The following ELMOD1 variants were observed in gnomAD, a reference collection of about 807,000 sequenced individuals.
The protein encoded by ELMOD1 is ELMO domain containing 1.
Under a neutral mutation model 46.7 loss-of-function variants are expected in ELMOD1, and 21 were observed. The observed-to-expected ratio is 0.45, with a 90% CI of 0.32 to 0.65. The LOEUF is 0.65. ELMOD1 is among the 30% of genes least tolerant of loss of function. The pLI, the probability that ELMOD1 is intolerant of heterozygous loss-of-function variation, is 0.04. For missense variants in ELMOD1, 348 were observed against 407.8 expected (o/e 0.85, Z 1.26); for synonymous variants, 122 against 138.2 (o/e 0.88, Z 0.82).
chr11:107,592,762 G>A, intron 1 of ELMOD1: 1 of 170,954 alleles, frequency 5.8e-6, no homozygotes. Context: ...ATTAACGTAG[G>A]GAACGTTGAG....
chr11:107,617,214 G>C (rs1024608622), intron 1 of ELMOD1, among the ~76,000 whole-genome samples: 2 of 152,156 alleles, frequency 1.3e-5, no homozygotes, highest in Admixed American at 6.5e-5. Flanking sequence ...TGTTAAATAA[G>C]AGACTGGCTT....
At chr11:107,647,771 C>A (rs1252099241) in intron 7 of ELMOD1, among the ~76,000 whole-genome samples, 170 bp downstream of exon 7, 1 of 152,148 alleles carries the variant, frequency 6.6e-6, no homozygotes, top group Non-Finnish European at 1.5e-5. Flanking sequence ...TGTCTGCTAC[C>A]TTCCTTGTAT....
intron 1 of ELMOD1, among the ~76,000 whole-genome samples, chr11:107,612,865 G>A (rs1003816097): frequency 1.3e-5 from 2 of 152,168 alleles, no homozygotes; most frequent in East Asian, 1.9e-4. Context: ...GAGTTAAATA[G>A]CATTTGCACA....
intron 11 of ELMOD1, among the ~76,000 whole-genome samples, chr11:107,662,486 T>A (rs1320752095): frequency 2.8e-5 from 4 of 143,194 alleles, no homozygotes; most frequent in African/African-American, 8.9e-5. Flanking sequence ...GGCGCATGCC[T>A]GTAATCCCAG....
intron 6 of ELMOD1, among the ~76,000 whole-genome samples, chr11:107,640,700 G>A (rs749880226): frequency 6.6e-6 from 1 of 152,050 alleles, no homozygotes; most frequent in Non-Finnish European, 1.5e-5. Context: ...TAAATACTTT[G>A]GTCACAACAT....
At chr11:107,635,581 C>A in intron 5 of ELMOD1, 55 bp from the exon 6 acceptor site, 1 of 1,565,182 alleles carries the variant, frequency 6.4e-7, no homozygotes, top group South Asian at 1.2e-5. Context: ...GAACAAATGC[C>A]AAAGTGAATG....
At chr11:107,631,747 G>T (rs1254108598) in intron 5 of ELMOD1, 70 bp downstream of exon 5, 3 of 765,162 alleles carry the variant, frequency 3.9e-6, no homozygotes, top group Non-Finnish European at 6.0e-6. Context: ...GTGTTTCTCT[G>T]TCTCCTCTCT....
chr11:107,594,755 G>A (rs1309023031), intron 1 of ELMOD1, among the ~76,000 whole-genome samples: 1 of 152,162 alleles, frequency 6.6e-6, no homozygotes, highest in East Asian at 1.9e-4. Context: ...TAGCAAATCT[G>A]TTGCTTCAAG....
chr11:107,661,821 A>G (rs1866744644), intron 11 of ELMOD1, among the ~76,000 whole-genome samples: 1 of 152,214 alleles, frequency 6.6e-6, no homozygotes, highest in South Asian at 2.1e-4. Flanking sequence ...ACCGCAGATC[A>G]TTCTTGGAAT....
chr11:107,664,160 TA>T (rs1452872835), intron 11 of ELMOD1, among the ~76,000 whole-genome samples: 1 of 151,944 alleles, frequency 6.6e-6, no homozygotes, highest in Non-Finnish European at 1.5e-5. Context: ...TTTCTTTTTT[TA>T]AAACTAGGAT....
rs1254613803 is a variant in ELMOD1 at position 107,651,495 on chromosome 11, C to T, written c.647+587C>T. The stretch of plus-strand genomic sequence containing the variant: ...AGGTTGAGTTGGGCTTTTTTTCCCC[C>T]TCCACCTTACTATTTTACTCATTCT... On this transcript the variant is annotated intron_variant, in intron 9 of 11. Transcript: ENST00000265840. Among the ~76,000 whole-genome samples the T allele has an allele frequency of 2.6e-5, 4 of 152,084 alleles. No homozygotes were observed. In the East Asian group the frequency reaches 7.7e-4, roughly 29 times the overall value.
intron 11 of ELMOD1, among the ~76,000 whole-genome samples, chr11:107,658,947 A>G (rs1175435180): frequency 6.6e-6 from 1 of 152,192 alleles, no homozygotes; most frequent in East Asian, 1.9e-4. Flanking sequence ...AAATAAATAA[A>G]TATTGAAAAA....
At chr11:107,610,318 G>T (rs985445776) in intron 1 of ELMOD1, among the ~76,000 whole-genome samples, 2 of 152,060 alleles carry the variant, frequency 1.3e-5, no homozygotes, top group Non-Finnish European at 2.9e-5. Flanking sequence ...GAACAAAAAG[G>T]GTGAATTTTT....
intron 1 of ELMOD1, among the ~76,000 whole-genome samples, chr11:107,603,286 C>T (rs1203245659): frequency 1.3e-5 from 2 of 152,250 alleles, no homozygotes. Context: ...CGCCTGTGAT[C>T]CCAACACTTT....
At chr11:107,623,170 C>G (rs1415009227) in intron 2 of ELMOD1, 1 of 152,156 alleles carries the variant, frequency 6.6e-6, no homozygotes, top group Non-Finnish European at 1.5e-5. Flanking sequence ...GTTCCCCTTC[C>G]TGTGTCCATA....
intron 2 of ELMOD1, among the ~76,000 whole-genome samples, chr11:107,619,294 T>C (rs956157885): frequency 2.4e-4 from 36 of 152,240 alleles, no homozygotes; most frequent in African/African-American, 8.4e-4. Context: ...TTGTACAGAA[T>C]ACTGTTTATC....
chr11:107,647,611 A>C lies in ELMOD1; in HGVS notation c.554+10A>C, dbSNP rs1866454076. The C allele has an allele frequency of 6.2e-7, 1 of 1,610,680 alleles. No homozygotes were observed. The highest frequency in any genetic ancestry group is 1.7e-5 in the Admixed American group (1 of 59,436). On this transcript the variant is annotated intron_variant, in intron 7 of 11. Transcript: ENST00000265840. ...GACTGTACAATTTGCAGTAAGTAAA[A>C]TGAAGGACAGCTAAGTGTTCGAGTG...
At chr11:107,659,137 G>T (rs1310303615) in intron 11 of ELMOD1, among the ~76,000 whole-genome samples, 1 of 152,172 alleles carries the variant, frequency 6.6e-6, no homozygotes, top group African/African-American at 2.4e-5. Context: ...CATAGGGTTT[G>T]CCGGGTGGTG....
chr11:107,613,366 A>G (rs1414361148), intron 1 of ELMOD1, among the ~76,000 whole-genome samples: 1 of 152,194 alleles, frequency 6.6e-6, no homozygotes, highest in African/African-American at 2.4e-5. Flanking sequence ...AGGTCAAGCA[A>G]CTTGTCTAAA....
Sources: allele counts gnomAD v4.1 joint callset (sites outside exome capture counted in the v4.1 genomes callset), GRCh38; gene constraint gnomAD v4.1.1; transcripts MANE v1.5; gene names NCBI Gene and HGNC (gene_info 2026-07-23, HGNC 2026-07-21).